RASAL2: variants seen among roughly 807,000 people sequenced by gnomAD.
The protein encoded by RASAL2 is ras GTPase-activating protein nGAP.
RASAL2 carries 58 observed loss-of-function variants against 128.9 expected under a neutral mutation model. That is an observed-to-expected ratio of 0.45 (90% confidence interval 0.36 to 0.56). The LOEUF (loss-of-function observed/expected upper bound fraction) is 0.56, where lower values mean the gene tolerates loss of function less well. RASAL2 is among the 20% of genes least tolerant of loss of function. The pLI is 0.00. For missense variants in RASAL2, 1,360 were observed against 1,601.6 expected, an observed-to-expected ratio of 0.85 and a Z score of 2.57; for synonymous variants, 561 against 580.8, an observed-to-expected ratio of 0.97 and a Z score of 0.49.
At chr1:178,228,616 A>G (rs887790789) in intron 1 of RASAL2, among the ~76,000 whole-genome samples, 3 of 152,164 alleles carry the variant, frequency 2.0e-5, no homozygotes, top group Non-Finnish European at 2.9e-5. Context: ...TTTCGAAACA[A>G]TTGTGTTGAT....
chr1:178,243,064 C>G (rs1361992469), intron 1 of RASAL2, among the ~76,000 whole-genome samples: 1 of 151,924 alleles, frequency 6.6e-6, no homozygotes, highest in East Asian at 1.9e-4. Flanking sequence ...TTTATTGAAT[C>G]TTGAACATTT....
At chr1:178,171,559 C>T (rs1304079510) in intron 1 of RASAL2, among the ~76,000 whole-genome samples, 3 of 152,010 alleles carry the variant, frequency 2.0e-5, no homozygotes, top group Admixed American at 1.3e-4. Context: ...AGTTGGGGTG[C>T]ACAGGTTGGT....
At position 178,339,385 on chromosome 1, in the gene RASAL2, A is replaced by T. The variant is rs1022080918; in HGVS notation, c.457+39267A>T. On this transcript the variant is annotated intron_variant, in intron 3 of 17. Transcript: ENST00000367649. Reference sequence around the variant, plus strand: ...ATGGGAAACACAGCTTTTGGGATAGAGACTGAAGTGACTGGTAAAATTGTA... The same window carrying T: ...ATGGGAAACACAGCTTTTGGGATAGTGACTGAAGTGACTGGTAAAATTGTA... 2.6e-5 allele frequency among the ~76,000 whole-genome samples: 4 copies of T among 152,328 alleles called. No homozygotes were observed. The East Asian group carries it at 7.7e-4, about 29-fold the overall frequency.
intron 1 of RASAL2, among the ~76,000 whole-genome samples, chr1:178,138,281 G>C (rs930083584): frequency 6.6e-5 from 10 of 152,170 alleles, no homozygotes; most frequent in Non-Finnish European, 1.5e-5. Context: ...TTAAAGTCAT[G>C]AGCTGATTCT....
chr1:178,248,295 G>A (rs1209529481), intron 1 of RASAL2, among the ~76,000 whole-genome samples: 1 of 152,088 alleles, frequency 6.6e-6, no homozygotes, highest in East Asian at 1.9e-4. Flanking sequence ...AGCTCTTCTT[G>A]GTGCATTCAT....
chr1:178,378,170 A>C lies in RASAL2; in HGVS notation c.458-11930A>C, dbSNP rs77467410. Among the ~76,000 whole-genome samples, 837 of 152,054 alleles carry C rather than the reference A, an allele frequency of 5.5e-3. 11 individuals are homozygous for C. Among genetic ancestry groups the C allele is most frequent in the African/African-American group, 0.019 (782 of 41,538 alleles). On this transcript the variant is annotated intron_variant, in intron 3 of 17. Transcript: ENST00000367649. ...TTTTAATGCTATGAATGAGAGATCT[A>C]AAACACAGGGACCTAGGAAAGTTAA...
At chr1:178,233,099 T>C (rs1303165290) in intron 1 of RASAL2, among the ~76,000 whole-genome samples, 1 of 152,216 alleles carries the variant, frequency 6.6e-6, no homozygotes, top group African/African-American at 2.4e-5. Flanking sequence ...TTTGAGATCT[T>C]GGAAAATGGC....
At chr1:178,164,506 CGTGTGT>C (rs3040802) in intron 1 of RASAL2, among the ~76,000 whole-genome samples, 10 of 89,400 alleles carry the variant, frequency 1.1e-4, no homozygotes. Context: ...TGTGTGTGTG[CGTGTGT>C]GTGTGTGTGT....
chr1:178,121,094 A>T (rs1659701888), intron 1 of RASAL2: 1 of 152,194 alleles, frequency 6.6e-6, no homozygotes, highest in Admixed American at 6.5e-5. Context: ...CCAGGTGAGT[A>T]TCGTCAGACT....
intron 1 of RASAL2, among the ~76,000 whole-genome samples, chr1:178,175,500 A>G (rs1172042933): frequency 6.7e-6 from 1 of 149,552 alleles, no homozygotes; most frequent in Admixed American, 6.7e-5. Context: ...TCACCAATTA[A>G]ACGTACTTAT....
At chr1:178,108,299 AT>A (rs1354727874) in intron 1 of RASAL2, among the ~76,000 whole-genome samples, 1 of 151,954 alleles carries the variant, frequency 6.6e-6, no homozygotes, top group African/African-American at 2.4e-5. Context: ...TTCTCAGTAG[AT>A]GTATTGGTAT....
At chr1:178,116,238 G>A (rs936113241) in intron 1 of RASAL2, among the ~76,000 whole-genome samples, 14 of 151,992 alleles carry the variant, frequency 9.2e-5, no homozygotes, top group Admixed American at 1.3e-4. Flanking sequence ...CTAACTTGTC[G>A]TATTCTTATT....
chr1:178,432,862 A>C (rs754671404), intron 5 of RASAL2, among the ~76,000 whole-genome samples: 54 of 151,892 alleles, frequency 3.6e-4, no homozygotes, highest in Non-Finnish European at 1.3e-4. Context: ...TAGGTCTTTC[A>C]TTTCTTTTCT....
intron 3 of RASAL2, among the ~76,000 whole-genome samples, chr1:178,348,415 TTC>T: frequency 6.6e-6 from 1 of 152,288 alleles, no homozygotes; most frequent in African/African-American, 2.4e-5. Context: ...CCTCTCAGCC[TTC>T]TGAGTAGCTG....
At chr1:178,205,957 C>T (rs986635083) in intron 1 of RASAL2, among the ~76,000 whole-genome samples, 2 of 152,150 alleles carry the variant, frequency 1.3e-5, no homozygotes, top group African/African-American at 4.8e-5. Context: ...TTCTATGTGA[C>T]ATTACGGACC....
intron 1 of RASAL2, among the ~76,000 whole-genome samples, chr1:178,134,039 AC>A (rs1660219225): frequency 6.6e-6 from 1 of 152,158 alleles, no homozygotes; most frequent in South Asian, 2.1e-4. Context: ...ATAACAAACT[AC>A]CCCTAAACTT....
At chr1:178,141,857 A>C in intron 1 of RASAL2, among the ~76,000 whole-genome samples, 1 of 152,060 alleles carries the variant, frequency 6.6e-6, no homozygotes, top group East Asian at 1.9e-4. Context: ...GTATGGCCTA[A>C]AGTGCAGGGG....
At position 178,476,932 on chromosome 1, in the gene RASAL2, T is replaced by G. The variant is rs1648713828; in HGVS notation, c.*3693T>G. On this transcript the variant is annotated 3_prime_UTR_variant, in exon 18 of 18. Transcript: ENST00000367649. Reference sequence around the variant, plus strand: ...AGGGTTAGTTTTAGTTACCTCTAGCTTGGAGTTCCTGAGAAGGCTGGTTAT... The same window carrying G: ...AGGGTTAGTTTTAGTTACCTCTAGCGTGGAGTTCCTGAGAAGGCTGGTTAT... The G allele has an allele frequency of 6.6e-6, 1 of 152,268 alleles. No individual in the cohort carries two copies. Among genetic ancestry groups the G allele is most frequent in the African/African-American group, 2.4e-5 (1 of 41,452 alleles). 9.4% of individuals were successfully genotyped at this position (152,268 alleles called of 1,614,324 possible).
intron 1 of RASAL2, among the ~76,000 whole-genome samples, chr1:178,202,456 C>G (rs1355452791): frequency 1.3e-5 from 2 of 152,162 alleles, no homozygotes; most frequent in African/African-American, 4.8e-5. Flanking sequence ...GCACTACAGC[C>G]CCTTTCTAGG....
Sources: allele counts gnomAD v4.1 joint callset (sites outside exome capture counted in the v4.1 genomes callset), GRCh38; gene constraint gnomAD v4.1.1; transcripts MANE v1.5; gene names NCBI Gene and HGNC (gene_info 2026-07-23, HGNC 2026-07-21).